GABPB2: variants seen among roughly 807,000 people sequenced by gnomAD.
The protein encoded by GABPB2 is GA binding protein transcription factor subunit beta 2.
Under a neutral mutation model 39.1 loss-of-function variants are expected in GABPB2, and 23 were observed. The ratio of observed to expected loss-of-function variants is 0.59; its 90% CI spans 0.42 to 0.83. GABPB2 has a LOEUF of 0.83. GABPB2 is among the 40% of genes least tolerant of loss of function. The pLI is 0.00. For synonymous variants in GABPB2, 184 were observed against 199.3 expected (o/e 0.92, Z 0.65); for missense variants, 467 against 541.1 (o/e 0.86, Z 1.36).
chr1:151,079,903 A>G (rs1382774487), intron 1 of GABPB2, among the ~76,000 whole-genome samples: 1 of 151,150 alleles, frequency 6.6e-6, no homozygotes, highest in African/African-American at 2.4e-5. Context: ...ACACACACAC[A>G]CAAAATAATA....
chr1:151,103,710 C>A, intron 6 of GABPB2, 35 bp downstream of exon 6: 1 of 1,361,098 alleles, frequency 7.3e-7, no homozygotes, highest in Non-Finnish European at 1.0e-6. Flanking sequence ...TGAATCACCA[C>A]TTTTTCTTTT....
intron 5 of GABPB2, among the ~76,000 whole-genome samples, chr1:151,100,019 T>C (rs1349048005): frequency 1.3e-5 from 2 of 152,208 alleles, no homozygotes; most frequent in Admixed American, 6.6e-5. Flanking sequence ...TCAACAGTTA[T>C]TTAAAATAAT....
chr1:151,117,187 G>C (rs71624522), intron 7 of GABPB2, among the ~76,000 whole-genome samples: 2 of 151,896 alleles, frequency 1.3e-5, no homozygotes, highest in South Asian at 2.1e-4. Context: ...GTTGAGATGG[G>C]GTCTTGCTGT....
chr1:151,109,298 T>TTATATATATATATA (rs33932552), intron 7 of GABPB2, among the ~76,000 whole-genome samples: 8 of 139,500 alleles, frequency 5.7e-5, no homozygotes, highest in African/African-American at 2.1e-4. Context: ...TTGTGGGGAT[T>TTATATATATATATA]TATATATATA....
In GABPB2 at chr1:151,117,961, G is replaced by A. The variant is rs1357900075; in HGVS notation, c.1052G>A (p.Gly351Asp). Residue 351 changes from glycine (G) to aspartate (D), a missense_variant, in exon 9 of 9, where the codon GGC becomes GAC. Gly to Asp is a moderately conservative substitution (Grantham distance 94, BLOSUM62 -1). Coordinates refer to ENST00000368918, the MANE Select transcript of GABPB2 (RefSeq NM_144618.3). Reference protein sequence around the residue: ...KTNSVEESKEGNERELLQQQL... With the variant: ...KTNSVEESKEDNERELLQQQL... ...TGACATGGCTTACTTTTACAGGAAG[G>A]CAATGAAAGAGAGCTACTACAGCAA... is the stretch of plus-strand genomic sequence containing the variant. The A allele has an allele frequency of 1.9e-6, 3 of 1,607,570 alleles. No individual in the cohort carries two copies. Among genetic ancestry groups the A allele is most frequent in the Non-Finnish European group, 2.6e-6 (3 of 1,175,952 alleles).
At chr1:151,087,311 A>G (rs1177647361) in intron 1 of GABPB2, among the ~76,000 whole-genome samples, 1 of 152,020 alleles carries the variant, frequency 6.6e-6, no homozygotes, top group Non-Finnish European at 1.5e-5. Flanking sequence ...TTTAAGCATG[A>G]TTATATGATT....
rs1558140680 is a variant in GABPB2 at position 151,093,361 on chromosome 1, A to G, written c.446A>G (p.Asn149Ser). The G allele has an allele frequency of 1.2e-6, 2 of 1,601,900 alleles. No homozygotes were observed. Among genetic ancestry groups the G allele is most frequent in the Non-Finnish European group, 1.7e-6 (2 of 1,174,662 alleles). ...SAFDIALEKN[N>S]AEILVILQEA... ...TTTGACATAGCTCTGGAGAAAAACA[A>G]TGCTGAGATTTTGGTCATCCTCCAG... is the stretch of plus-strand genomic sequence containing the variant. Residue 149 changes from asparagine to serine, a missense_variant, in exon 4 of 9, where the codon AAT becomes AGT. Physicochemically the swap from Asn to Ser is conservative, Grantham distance 46. Transcript: ENST00000368918.
chr1:151,107,763 C>G (rs1255387090), intron 7 of GABPB2, among the ~76,000 whole-genome samples: 1 of 151,966 alleles, frequency 6.6e-6, no homozygotes, highest in African/African-American at 2.4e-5. Flanking sequence ...TAGCAAAACC[C>G]CATCTCTACT....
intron 1 of GABPB2, among the ~76,000 whole-genome samples, chr1:151,076,993 CTG>C (rs1156808169): frequency 6.6e-6 from 1 of 151,816 alleles, no homozygotes; most frequent in Admixed American, 6.6e-5. Flanking sequence ...CGGGGTTTCA[CTG>C]TGTTAGCCAG....
In GABPB2 at chr1:151,122,926, C is replaced by T. The variant is rs1681234452; in HGVS notation, c.*4670C>T. 6.6e-6 allele frequency: 1 copy of T among 151,842 alleles called. No individual in the cohort carries two copies. Among genetic ancestry groups the T allele is most frequent in the Non-Finnish European group, 1.5e-5 (1 of 67,968 alleles). 9.4% of individuals were successfully genotyped at this position (151,842 alleles called of 1,614,324 possible). A position where few individuals can be genotyped will look rare whatever the true frequency, so the allele number is the denominator to read the frequency against. On this transcript the variant is annotated 3_prime_UTR_variant, in exon 9 of 9. Transcript: ENST00000368918. ...TACTCGGAACGGTCCTCTTGGCATCCCAGATAAGGGAAATAGGATTTGATC... is the reference window on the plus strand; with the variant it reads ...TACTCGGAACGGTCCTCTTGGCATCTCAGATAAGGGAAATAGGATTTGATC...
intron 2 of GABPB2, among the ~76,000 whole-genome samples, chr1:151,089,879 A>C (rs1255182665): frequency 6.6e-6 from 1 of 151,900 alleles, no homozygotes; most frequent in Admixed American, 6.6e-5. Context: ...ACCTGACATA[A>C]AGCCATTATA....
intron 5 of GABPB2, among the ~76,000 whole-genome samples, chr1:151,102,572 A>T (rs1277995071): frequency 3.9e-5 from 6 of 151,950 alleles, no homozygotes; most frequent in Non-Finnish European, 1.5e-5. Context: ...CCTCCTGAGT[A>T]GCTGGGATTA....
chr1:151,080,215 CAAAAA>C (rs57351502), intron 1 of GABPB2, among the ~76,000 whole-genome samples: 1 of 29,970 alleles, frequency 3.3e-5, no homozygotes, highest in African/African-American at 7.9e-5. Context: ...AACTCCATCT[CAAAAA>C]AAAAAAAAAA....
intron 1 of GABPB2, among the ~76,000 whole-genome samples, chr1:151,085,453 T>A (rs587724010): frequency 6.6e-6 from 1 of 152,298 alleles, no homozygotes; most frequent in Non-Finnish European, 1.5e-5. Flanking sequence ...TATTTTATTT[T>A]TTTTTGAGAC....
chr1:151,103,989 A>G (rs976816390), intron 6 of GABPB2, among the ~76,000 whole-genome samples: 46 of 152,264 alleles, frequency 3.0e-4, no homozygotes, highest in African/African-American at 1.1e-3. Context: ...GAGATACTCT[A>G]TGTTATGTTT....
chr1:151,115,699 T>G (rs57330524), intron 7 of GABPB2, among the ~76,000 whole-genome samples: 3,710 of 151,652 alleles, frequency 0.024, 101 homozygotes, highest in African/African-American at 0.074. Flanking sequence ...ACTGCGCCCA[T>G]CCTGCCAAAC....
intron 7 of GABPB2, among the ~76,000 whole-genome samples, chr1:151,116,708 G>C (rs1248295754): frequency 6.6e-6 from 1 of 151,908 alleles, no homozygotes; most frequent in Middle Eastern, 3.2e-3. Context: ...CCCAGGCTCA[G>C]GTGATCCTCC....
chr1:151,073,075 A>C (rs888968566), intron 1 of GABPB2: 1 of 152,098 alleles, frequency 6.6e-6, no homozygotes, highest in Admixed American at 6.6e-5. Context: ...GCTGGAGTGC[A>C]GTGATCATAG....
At chr1:151,073,493 T>C (rs1676892144) in intron 1 of GABPB2, among the ~76,000 whole-genome samples, 1 of 152,158 alleles carries the variant, frequency 6.6e-6, no homozygotes, top group Non-Finnish European at 1.5e-5. Flanking sequence ...ACCAGGCAGG[T>C]ATTGACCACC....
Sources: allele counts gnomAD v4.1 joint callset (sites outside exome capture counted in the v4.1 genomes callset), GRCh38; gene constraint gnomAD v4.1.1; transcripts MANE v1.5; gene names NCBI Gene and HGNC (gene_info 2026-07-23, HGNC 2026-07-21).